Variants in NUBP2 observed in about 807,000 individuals in gnomAD.
NUBP2 encodes the protein cytosolic Fe-S cluster assembly factor NUBP2.
Under a neutral mutation model 24.9 loss-of-function variants are expected in NUBP2, and 23 were observed. The ratio of observed to expected loss-of-function variants is 0.92; its 90% confidence interval spans 0.66 to 1.31. The LOEUF is 1.31. Among genes scored for constraint, NUBP2 ranks in the 50% most tolerant of loss-of-function variants. The pLI is 0.00. For missense variants in NUBP2, 403 were observed against 386.5 expected, an observed-to-expected ratio of 1.04 and a Z score of -0.36; for synonymous variants, 186 against 170.9, an observed-to-expected ratio of 1.09 and a Z score of -0.69.
At chr16:1,787,873 C>A (rs757268132) in intron 4 of NUBP2, 42 bp downstream of exon 4, 2 of 1,601,626 alleles carry the variant, frequency 1.2e-6, no homozygotes, top group East Asian at 2.2e-5. Flanking sequence ...GGGTGGCTTC[C>A]CAGAGGGCTG....
intron 3 of NUBP2, 106 bp downstream of exon 3, chr16:1,787,061 G>A: frequency 1.8e-6 from 2 of 1,137,660 alleles, no homozygotes; most frequent in Non-Finnish European, 2.4e-6. Context: ...TGTTCCTGGG[G>A]ACCTGCACAT....
rs767283382 is a variant in NUBP2 at position 1,785,391 on chromosome 16, C to T, written c.17-1146C>T. On this transcript the variant is annotated intron_variant, in intron 1 of 6. Transcript: ENST00000262302. Reference sequence around the variant, plus strand: ...TCAGCCCAACACACCAGACAGGCACCATTCCCCCACCTCTGCCAACGAGGA... The same window carrying T: ...TCAGCCCAACACACCAGACAGGCACTATTCCCCCACCTCTGCCAACGAGGA... 186 of 1,171,252 alleles carry T rather than the reference C, an allele frequency of 1.6e-4. 1 individual carries two copies. Among genetic ancestry groups the T allele is most frequent in the Non-Finnish European group, 1.7e-4 (154 of 932,240 alleles). The allele number at this position is 1,171,252 out of a possible 1,614,324, so 72.6% of individuals were successfully genotyped here. A position where few individuals can be genotyped will look rare whatever the true frequency, so the allele number is the denominator to read the frequency against.
In NUBP2 at chr16:1,786,924, G is replaced by A. The variant is rs779342257; in HGVS notation, c.303G>A (p.Glu101=). 7.2e-6 allele frequency: 11 copies of A among 1,536,690 alleles called. No individual in the cohort carries two copies. Among genetic ancestry groups the A allele is most frequent in the Middle Eastern group, 1.8e-4 (1 of 5,664 alleles). The change falls in exon 3 of 7, where the codon GAG becomes GAA. Residue 101 remains glutamate (E), a synonymous_variant. Coordinates refer to ENST00000262302, the MANE Select transcript of NUBP2 (RefSeq NM_012225.4). ...GCTTCCTGCTGGAGAAGCCGGACGA[G>A]GCCGTGGTGTGGAGAGGCCCCAAGA... ...SVGFLLEKPD[E]AVVWRGPKKN...
chr16:1,788,742 G>C lies in NUBP2; in HGVS notation c.*28G>C. 6.3e-7 allele frequency: 1 copy of C among 1,594,466 alleles called. No homozygotes were observed. The highest frequency in any genetic ancestry group is 2.2e-5 in the East Asian group (1 of 44,476). The stretch of plus-strand genomic sequence containing the variant: ...AAGGCCACCTTGCAGCCGCTTTCCA[G>C]GGCCACCAAGGGCTCTGCTCCAGCC... On this transcript the variant is annotated 3_prime_UTR_variant, in exon 7 of 7. Coordinates refer to ENST00000262302, the MANE Select transcript of NUBP2 (RefSeq NM_012225.4).
intron 1 of NUBP2, chr16:1,783,475 G>T (rs951516172): frequency 1.0e-5 from 10 of 993,274 alleles, no homozygotes; most frequent in Middle Eastern, 5.1e-4. Context: ...TAAGTTCTTT[G>T]TGGAAGTGGC....
chr16:1,784,935 G>T (rs1343088545), intron 1 of NUBP2: 2 of 220,424 alleles, frequency 9.1e-6, no homozygotes, highest in Non-Finnish European at 1.5e-5. Context: ...TACTCTGGAA[G>T]CTGAGGCGTG....
intron 1 of NUBP2, chr16:1,785,438 G>A: frequency 8.5e-7 from 1 of 1,181,900 alleles, no homozygotes; most frequent in South Asian, 1.6e-5. Context: ...GGTTAACACT[G>A]CCGCTGGTGC....
rs547113347 is a variant in NUBP2, at chr16:1,785,042, AC to A, written c.17-1490del. 2.7e-4 allele frequency: 257 copies of A among 946,444 alleles called. 1 individual carries two copies. The African/African-American group carries it at 4.0e-3, about 15-fold the overall frequency. The allele number at this position is 946,444 out of a possible 1,614,324, so 58.6% of individuals were successfully genotyped here. A position where few individuals can be genotyped will look rare whatever the true frequency, so the allele number is the denominator to read the frequency against. On this transcript the variant is annotated intron_variant, in intron 1 of 6. Transcript: ENST00000262302. ...ACTCCAGCCTGGGCGACAGAATGAG[AC>A]CCCCTCTCAAAATAAAAATATACAT...
At chr16:1,783,321 G>T in intron 1 of NUBP2, 1 of 1,121,254 alleles carries the variant, frequency 8.9e-7, no homozygotes, top group African/African-American at 1.6e-5. Flanking sequence ...GTAGGCGGGC[G>T]CGGTGGCGCC....
At chr16:1,785,654 G>A (rs1184906816) in intron 1 of NUBP2, 1 of 1,288,774 alleles carries the variant, frequency 7.8e-7, no homozygotes. Context: ...TGGGGCTGGG[G>A]CTGCCTTTTC....
chr16:1,785,932 C>A, intron 1 of NUBP2: 1 of 1,271,700 alleles, frequency 7.9e-7, no homozygotes, highest in South Asian at 1.3e-5. Flanking sequence ...GCCAAGGTAT[C>A]TGCACACAGC....
chr16:1,786,959 ACGGCCGGGCGGCG>A lies in NUBP2; in HGVS notation c.334+7_334+19del. Reference sequence around the variant, plus strand: ...TGGAGAGGCCCCAAGAAAAACGGTAACGGCCGGGCGGCGCGTCCGCCGTCCTGGTGAAGGGGGT... The same window carrying A: ...TGGAGAGGCCCCAAGAAAAACGGTAACGTCCGCCGTCCTGGTGAAGGGGGT... On this transcript the variant is annotated splice_donor_5th_base_variant and intron_variant, in intron 3 of 6. Transcript: ENST00000262302. 1 of 1,512,122 alleles carries A rather than the reference ACGGCCGGGCGGCG, an allele frequency of 6.6e-7. No homozygotes were observed. Among genetic ancestry groups the A allele is most frequent in the Non-Finnish European group, 8.9e-7 (1 of 1,128,870 alleles). 93.7% of individuals were successfully genotyped at this position (1,512,122 alleles called of 1,614,324 possible). A position where few individuals can be genotyped will look rare whatever the true frequency, so the allele number is the denominator to read the frequency against.
chr16:1,784,038 C>T (rs1896848065), intron 1 of NUBP2: 2 of 984,952 alleles, frequency 2.0e-6, no homozygotes, highest in African/African-American at 3.5e-5. Context: ...AAAAGCCTGT[C>T]CTTATTATCA....
intron 3 of NUBP2, 168 bp from the exon 4 acceptor site, chr16:1,787,509 A>G: frequency 1.1e-6 from 1 of 870,586 alleles, no homozygotes; most frequent in South Asian, 1.6e-5. Flanking sequence ...CCATCTTTGC[A>G]CTCCTGCAGC....
Position 1,787,590 on chromosome 16 carries a change from G to A in NUBP2, c.335-87G>A, listed in dbSNP as rs545504666. ...GACACCTGATGGACTGCAGCCCCTC[G>A]GCCTGACCTGGCTGGTTCTTAGTGG... On this transcript the variant is annotated intron_variant, in intron 3 of 6. Transcript: ENST00000262302. The A allele has an allele frequency of 9.1e-6, 14 of 1,538,600 alleles. No homozygotes were observed. The Admixed American group carries it at 1.4e-4, about 15-fold the overall frequency.
chr16:1,783,046 G>A lies in NUBP2; in HGVS notation c.16+10G>A, dbSNP rs1366303724. The A allele has an allele frequency of 1.4e-5, 19 of 1,349,514 alleles. No homozygotes were observed. Among genetic ancestry groups the A allele is most frequent in the Non-Finnish European group, 1.8e-5 (19 of 1,046,150 alleles). 83.6% of individuals were successfully genotyped at this position (1,349,514 alleles called of 1,614,324 possible). ...ATGGAGGCGGCGGCCGGTGAGTGGC[G>A]GGCCAGGGTGCGGAGCCGCTCCAGG... is the stretch of plus-strand genomic sequence containing the variant. On this transcript the variant is annotated intron_variant, in intron 1 of 6. Transcript: ENST00000262302.
rs1190614016 is a variant in NUBP2 at position 1,787,761 on chromosome 16, A to C, written c.419A>C (p.Glu140Ala). The change falls in exon 4 of 7, where the codon GAG becomes GCG. Residue 140 changes from glutamate (E) to alanine (A), a missense_variant. Physicochemically the swap from Glu to Ala is moderately radical, Grantham distance 107. Transcript: ENST00000262302. ...GACACGCCCCCGGGGACCTCCGATG[A>C]GCACATGGCCACCATAGAAGCCCTG... ...VVDTPPGTSD[E>A]HMATIEALRP... The C allele has an allele frequency of 1.2e-6, 2 of 1,612,468 alleles. No homozygotes were observed. Among genetic ancestry groups the C allele is most frequent in the Non-Finnish European group, 1.7e-6 (2 of 1,179,930 alleles).
chr16:1,786,025 C>A lies in NUBP2; in HGVS notation c.17-512C>A. 3.4e-6 allele frequency: 4 copies of A among 1,175,984 alleles called. 1 individual carries two copies. In the South Asian group the frequency reaches 6.2e-5, roughly 18 times the overall value. 72.8% of individuals were successfully genotyped at this position (1,175,984 alleles called of 1,614,324 possible). A position where few individuals can be genotyped will look rare whatever the true frequency, so the allele number is the denominator to read the frequency against. On this transcript the variant is annotated intron_variant, in intron 1 of 6. Coordinates refer to ENST00000262302, the MANE Select transcript of NUBP2 (RefSeq NM_012225.4). ...TGTGCTGGAAGCAGCCGGCTCCCCT[C>A]ACTTACCGCACATTGCAGGGACCGA...
Position 1,786,619 on chromosome 16 carries a change from G to C in NUBP2, c.99G>C (p.Thr33=). ...GCGTTGGGAAAAGCACCATCTCCAC[G>C]GAGCTGGCCCTGGCACTGCGCCATG... is the stretch of plus-strand genomic sequence containing the variant. ...KGGVGKSTIS[T]ELALALRHAG... is the part of the protein sequence containing the mutation. Residue 33 remains threonine (T), a synonymous_variant, in exon 2 of 7, where the codon ACG becomes ACC. Coordinates refer to ENST00000262302, the MANE Select transcript of NUBP2 (RefSeq NM_012225.4). 1 of 1,612,794 alleles carries C rather than the reference G, an allele frequency of 6.2e-7. No individual in the cohort carries two copies. Among genetic ancestry groups the C allele is most frequent in the Non-Finnish European group, 8.5e-7 (1 of 1,179,856 alleles).
Sources: allele counts gnomAD v4.1 joint callset, GRCh38; gene constraint gnomAD v4.1.1; transcripts MANE v1.5; gene names NCBI Gene and HGNC (gene_info 2026-07-23, HGNC 2026-07-21).